SBK3: variants seen among roughly 807,000 people sequenced by gnomAD.
SBK3 encodes uncharacterized serine/threonine-protein kinase SBK3.
A neutral mutation model predicts 12.7 loss-of-function variants in SBK3; 16 were observed. The ratio of observed to expected loss-of-function variants is 1.26; its 90% CI spans 0.86 to 1.92. SBK3 has a LOEUF of 1.92. SBK3 is among the 40% of genes most tolerant of loss of function. The pLI, the probability that SBK3 is intolerant of heterozygous loss-of-function variation, is 0.00. For missense variants in SBK3, 462 were observed against 481.8 expected (o/e 0.96, Z 0.38); for synonymous variants, 217 against 213.6 (o/e 1.02, Z -0.14).
intron 2 of SBK3, among the ~76,000 whole-genome samples, chr19:55,544,556 T>C (rs1429638230): frequency 1.3e-5 from 2 of 151,992 alleles, no homozygotes; most frequent in African/African-American, 4.8e-5. Flanking sequence ...AGAGACACGG[T>C]GGTGACTTGG....
chr19:55,542,526 CCCATCCGCCCACCAATCCTTTCATCCAT>C (rs1988575935), intron 3 of SBK3, among the ~76,000 whole-genome samples: 1 of 140,948 alleles, frequency 7.1e-6, no homozygotes, highest in African/African-American at 2.6e-5. Flanking sequence ...CATCCATCCA[CCCATCCGCCCACCAATCCTTTCATCCAT>C]CCATCCATCC....
chr19:55,541,045 C>G lies in SBK3; in HGVS notation c.881G>C (p.Arg294Thr), dbSNP rs1236116100. The G allele has an allele frequency of 6.5e-7, 1 of 1,535,980 alleles. No homozygotes were observed. ...QGLLDLDPET[R>T]SPPLAVLDFL... ...GTCCAGGACAGCCAGTGGGGGGCTCCTAGTCTCGGGATCCAGGTCCAGAAG... is the reference window on the plus strand; with the variant it reads ...GTCCAGGACAGCCAGTGGGGGGCTCGTAGTCTCGGGATCCAGGTCCAGAAG... Residue 294 changes from arginine (R) to threonine (T), a missense_variant, in exon 4 of 4, where the codon AGG becomes ACG. Transcript: ENST00000612221. This position sits in a 1 kb window ranked among gnomAD's most constrained non-coding sequence, Gnocchi z 5.3.
Position 55,541,252 on chromosome 19 carries a change from G to A in SBK3, c.674C>T (p.Ser225Phe), listed in dbSNP as rs907955830. Residue 225 changes from serine to phenylalanine, a missense_variant, in exon 4 of 4, where the codon TCC (serine) becomes TTC (phenylalanine). Coordinates refer to ENST00000612221, the MANE Select transcript of SBK3 (RefSeq NM_001199824.2). This position sits in a 1 kb window ranked among gnomAD's most constrained non-coding sequence, Gnocchi z 5.3. ...GAAGAGAAGCACCCCCAGGCCCCAGGAGTCCACGGCTGGCCGCAGAGGCAG... is the reference window on the plus strand; with the variant it reads ...GAAGAGAAGCACCCCCAGGCCCCAGAAGTCCACGGCTGGCCGCAGAGGCAG... Reference protein sequence around the residue: ...DTLPLRPAVDSWGLGVLLFCA... With the variant: ...DTLPLRPAVDFWGLGVLLFCA... 7.8e-6 allele frequency: 12 copies of A among 1,535,934 alleles called. No homozygotes were observed. The highest frequency in any genetic ancestry group is 5.5e-5 in the African/African-American group (4 of 73,054).
chr19:55,545,103 G>A lies in SBK3; in HGVS notation c.46-154C>T, dbSNP rs898998072. On this transcript the variant is annotated intron_variant, in intron 1 of 3. Coordinates refer to ENST00000612221, the MANE Select transcript of SBK3 (RefSeq NM_001199824.2). The surrounding 1 kb of genome is among the most constrained non-coding windows in gnomAD (Gnocchi z 4.4). ...GAGGATGAGTCACAGTGACTCACCC[G>A]GACTCGGGCCACCTGTTTTTGTGTC... 8.1e-6 allele frequency: 5 copies of A among 617,844 alleles called. No homozygotes were observed. The highest frequency in any genetic ancestry group is 2.0e-5 in the South Asian group (1 of 48,878). 38.3% of individuals were successfully genotyped at this position (617,844 alleles called of 1,614,324 possible).
Position 55,544,857 on chromosome 19 carries a change from G to A in SBK3, c.138C>T (p.Ile46=). The A allele has an allele frequency of 1.3e-6, 2 of 1,533,338 alleles. No individual in the cohort carries two copies. The highest frequency in any genetic ancestry group is 1.7e-6 in the Non-Finnish European group (2 of 1,145,894). 95.0% of individuals were successfully genotyped at this position (1,533,338 alleles called of 1,614,324 possible). A position where few individuals can be genotyped will look rare whatever the true frequency, so the allele number is the denominator to read the frequency against. The part of the protein sequence containing the change: ...VRSLRDQYHL[I]RKLGSGSYGR... ...CGTAGGAGCCGGAGCCCAGCTTCCG[G>A]ATGAGGTGGTACTGGTCCCGAAGGC... Residue 46 remains isoleucine, a synonymous_variant, in exon 2 of 4, where the codon ATC becomes ATT. Transcript: ENST00000612221.
At position 55,545,394 on chromosome 19, in the gene SBK3, G is replaced by A. The variant is rs543745706; in HGVS notation, c.45+105C>T. 36 of 958,282 alleles carry A rather than the reference G, an allele frequency of 3.8e-5. No homozygotes were observed. Among genetic ancestry groups the A allele is most frequent in the Non-Finnish European group, 5.0e-5 (32 of 637,186 alleles). The allele number at this position is 958,282 out of a possible 1,614,324, so 59.4% of individuals were successfully genotyped here. On this transcript the variant is annotated intron_variant, in intron 1 of 3. Coordinates refer to ENST00000612221, the MANE Select transcript of SBK3 (RefSeq NM_001199824.2). The surrounding 1 kb of genome is among the most constrained non-coding windows in gnomAD (Gnocchi z 4.4). Reference sequence around the variant, plus strand: ...GGGTCTGGGTCTCTGAGGTCTTTGCGTTTCCCTGTTTTCTGTTTCTCTTCC... The same window carrying A: ...GGGTCTGGGTCTCTGAGGTCTTTGCATTTCCCTGTTTTCTGTTTCTCTTCC...
chr19:55,544,720 A>T, intron 2 of SBK3, 79 bp downstream of exon 2: 3 of 1,356,602 alleles, frequency 2.2e-6, no homozygotes, highest in South Asian at 3.0e-5. Context: ...CCTCCTGGGA[A>T]TGCCCCCTGT....
Position 55,541,204 on chromosome 19 carries a change from G to A in SBK3, c.722C>T (p.Pro241Leu). Reference sequence around the variant, plus strand: ...GTTGGGGGCCAGTGCCACGTCCCAAGGGAAACAGGCAGTGGCAGCACAGAA... The same window carrying A: ...GTTGGGGGCCAGTGCCACGTCCCAAAGGAAACAGGCAGTGGCAGCACAGAA... The part of the protein sequence containing the change: ...LLFCAATACF[P>L]WDVALAPNPE... Residue 241 changes from proline to leucine, a missense_variant, in exon 4 of 4, where the codon CCT (proline) becomes CTT (leucine). Transcript: ENST00000612221. This position sits in a 1 kb window ranked among gnomAD's most constrained non-coding sequence, Gnocchi z 5.3. 2 of 1,536,132 alleles carry A rather than the reference G, an allele frequency of 1.3e-6. No homozygotes were observed. The highest frequency in any genetic ancestry group is 1.2e-5 in the South Asian group (1 of 84,052).
At position 55,540,917 on chromosome 19, in the gene SBK3, C is replaced by G. The variant is rs1318300639; in HGVS notation, c.1009G>C (p.Glu337Gln). ...EDREEGGSSL[E>Q]EWTDEGDDSK... The stretch of plus-strand genomic sequence containing the variant: ...TCATCACCCTCATCTGTCCACTCCT[C>G]CAGGCTTGAGCCTCCCTCCTCCCTG... The change falls in exon 4 of 4, where the codon GAG becomes CAG. Residue 337 changes from glutamate to glutamine, a missense_variant. Coordinates refer to ENST00000612221, the MANE Select transcript of SBK3 (RefSeq NM_001199824.2). The G allele has an allele frequency of 1.3e-6, 2 of 1,536,096 alleles. No homozygotes were observed. The highest frequency in any genetic ancestry group is 2.7e-5 in the African/African-American group (2 of 73,036).
In SBK3 at chr19:55,541,035, T is replaced by C. The variant is rs1568495637; in HGVS notation, c.891A>G (p.Pro297=). 7 of 1,535,694 alleles carry C rather than the reference T, an allele frequency of 4.6e-6. No homozygotes were observed. The highest frequency in any genetic ancestry group is 1.7e-4 in the Middle Eastern group (1 of 6,012). The change falls in exon 4 of 4, where the codon CCA becomes CCG. Residue 297 remains proline, a synonymous_variant. Transcript: ENST00000612221. The surrounding 1 kb of genome is among the most constrained non-coding windows in gnomAD (Gnocchi z 5.3). Reference sequence around the variant, plus strand: ...CCCCCAGGAAGTCCAGGACAGCCAGTGGGGGGCTCCTAGTCTCGGGATCCA... The same window carrying C: ...CCCCCAGGAAGTCCAGGACAGCCAGCGGGGGGCTCCTAGTCTCGGGATCCA... ...LDLDPETRSP[P]LAVLDFLGDD... is the part of the protein sequence containing the mutation.
At chr19:55,542,813 G>GATCCATCCATCCATCC (rs775579408) in intron 3 of SBK3, among the ~76,000 whole-genome samples, 5,614 of 63,592 alleles carry the variant, frequency 0.088, 150 homozygotes, top group African/African-American at 0.1. Context: ...TCCTTCTATC[G>GATCCATCCATCCATCC]ATCCATCCAT....
rs1349187324 is a variant in SBK3 at position 55,541,041 on chromosome 19, G to A, written c.885C>T (p.Ser295=). 1.3e-6 allele frequency: 2 copies of A among 1,535,986 alleles called. No individual in the cohort carries two copies. Among genetic ancestry groups the A allele is most frequent in the Admixed American group, 3.9e-5 (2 of 50,986 alleles). The stretch of plus-strand genomic sequence containing the variant: ...GGAAGTCCAGGACAGCCAGTGGGGG[G>A]CTCCTAGTCTCGGGATCCAGGTCCA... ...GLLDLDPETR[S]PPLAVLDFLG... Residue 295 remains serine (S), a synonymous_variant, in exon 4 of 4, where the codon AGC becomes AGT. Transcript: ENST00000612221. The surrounding 1 kb of genome is among the most constrained non-coding windows in gnomAD (Gnocchi z 5.3).
intron 3 of SBK3, among the ~76,000 whole-genome samples, chr19:55,542,959 T>TCCAC (rs550284417): frequency 0.015 from 1,107 of 75,674 alleles, 15 homozygotes; most frequent in South Asian, 0.032. Flanking sequence ...CATCCATCCA[T>TCCAC]CCACCCATCC....
chr19:55,542,656 C>T (rs1423242497), intron 3 of SBK3, among the ~76,000 whole-genome samples: 1 of 150,720 alleles, frequency 6.6e-6, no homozygotes, highest in Non-Finnish European at 1.5e-5. Flanking sequence ...CCCATCCATC[C>T]ACCAATTCTT....
At position 55,544,136 on chromosome 19, in the gene SBK3, C is replaced by T. The variant is rs979208226; in HGVS notation, c.363G>A (p.Ala121=). ...PRYFAFAQEY[A]PCGDLSGMLQ... is the part of the protein sequence containing the mutation. ...GCATCCCGCTGAGGTCCCCACAGGG[C>T]GCGTACTCCTGGGCGAAGGCAAAAT... Residue 121 remains alanine, a synonymous_variant, in exon 3 of 4, where the codon GCG becomes GCA. Transcript: ENST00000612221. 18 of 1,530,852 alleles carry T rather than the reference C, an allele frequency of 1.2e-5. No homozygotes were observed. In the Admixed American group the frequency reaches 2.2e-4, roughly 19 times the overall value. 94.8% of individuals were successfully genotyped at this position (1,530,852 alleles called of 1,614,324 possible).
At position 55,545,366 on chromosome 19, in the gene SBK3, C is replaced by G; in HGVS notation, c.45+133G>C. ...CCTTGGATCTCTGTCATCCTCTCTC[C>G]CTGGGTCTGGGTCTCTGAGGTCTTT... On this transcript the variant is annotated intron_variant, in intron 1 of 3. Coordinates refer to ENST00000612221, the MANE Select transcript of SBK3 (RefSeq NM_001199824.2). This position sits in a 1 kb window ranked among gnomAD's most constrained non-coding sequence, Gnocchi z 4.4. The G allele has an allele frequency of 2.8e-6, 2 of 709,286 alleles. No individual in the cohort carries two copies. Among genetic ancestry groups the G allele is most frequent in the Non-Finnish European group, 4.7e-6 (2 of 424,396 alleles). 43.9% of individuals were successfully genotyped at this position (709,286 alleles called of 1,614,324 possible).
chr19:55,544,950 C>T lies in SBK3; in HGVS notation c.46-1G>A. The stretch of plus-strand genomic sequence containing the variant: ...GTTGGAGGGCTGTGGCTGTGTCCTC[C>T]TACGGGAGAGGGGCAGGGTGAGGAG... On this transcript the variant is annotated splice_acceptor_variant, in intron 1 of 3. Coordinates refer to ENST00000612221, the MANE Select transcript of SBK3 (RefSeq NM_001199824.2). LOFTEE classifies it high-confidence loss of function. The T allele has an allele frequency of 6.5e-7, 1 of 1,528,802 alleles. No homozygotes were observed. Among genetic ancestry groups the T allele is most frequent in the African/African-American group, 1.4e-5 (1 of 72,890 alleles). The allele number at this position is 1,528,802 out of a possible 1,614,324, so 94.7% of individuals were successfully genotyped here.
At chr19:55,544,590 G>A (rs974073643) in intron 2 of SBK3, among the ~76,000 whole-genome samples, 1 of 152,292 alleles carries the variant, frequency 6.6e-6, no homozygotes, top group South Asian at 2.1e-4. Context: ...TTGCATACCT[G>A]TCCTGCTGTG....
intron 2 of SBK3, among the ~76,000 whole-genome samples, 196 bp from the exon 3 acceptor site, chr19:55,544,498 A>G (rs1195950479): frequency 6.6e-6 from 1 of 152,038 alleles, no homozygotes; most frequent in Non-Finnish European, 1.5e-5. Flanking sequence ...GTGGGCTTGC[A>G]CAGCCGCCTC....
Sources: gnomAD v4.1 joint callset for allele counts (sites outside exome capture counted in the v4.1 genomes callset) on GRCh38, gnomAD v4.1.1 for gene constraint, Gnocchi (gnomAD v3.1) non-coding constraint, MANE v1.5 for transcripts, NCBI Gene and HGNC (gene_info 2026-07-23, HGNC 2026-07-21) for gene names.